EXT2: variants seen among roughly 807,000 people sequenced by gnomAD.
EXT2 encodes the protein exostosin glycosyltransferase 2.
EXT2 carries 53 observed loss-of-function variants against 81.6 expected under a neutral mutation model. The observed-to-expected ratio is 0.65, with a 90% confidence interval of 0.52 to 0.82. EXT2 has a LOEUF of 0.82. Ranked by LOEUF, EXT2 falls within the 40% of genes least tolerant of loss-of-function variation. The probability of loss-of-function intolerance (pLI) is 0.00; values close to 1 mark genes in which losing one functional copy is unlikely to be tolerated. For missense variants in EXT2, 774 were observed against 910.2 expected (o/e 0.85, Z 1.93); for synonymous variants, 320 against 340.0 (o/e 0.94, Z 0.65).
At position 44,130,034 on chromosome 11, in the gene EXT2, G is replaced by C; in HGVS notation, c.1080-11G>C. ...CTGTGTGTATGTAAACTGTTTTGCT[G>C]TTGTCTCCAGAGCATCTGTGGTTGT... On this transcript the variant is annotated splice_polypyrimidine_tract_variant and intron_variant, in intron 6 of 13. Transcript: ENST00000533608. 1 of 1,610,266 alleles carries C rather than the reference G, an allele frequency of 6.2e-7. No homozygotes were observed. The highest frequency in any genetic ancestry group is 1.3e-5 in the African/African-American group (1 of 74,966).
At chr11:44,129,113 C>G (rs976070010) in intron 6 of EXT2, among the ~76,000 whole-genome samples, 1 of 152,242 alleles carries the variant, frequency 6.6e-6, no homozygotes, top group Non-Finnish European at 1.5e-5. Context: ...GCTCTACCCT[C>G]TCATCCCCAT....
intron 3 of EXT2, 26 bp from the exon 4 acceptor site, chr11:44,114,159 C>T (rs1288841417): frequency 1.9e-6 from 3 of 1,589,216 alleles, no homozygotes; most frequent in South Asian, 2.2e-5. Context: ...TCTTTCTCAT[C>T]GTTTAACAAA....
intron 1 of EXT2, chr11:44,096,264 C>T: frequency 1.3e-6 from 2 of 1,536,022 alleles, no homozygotes; most frequent in Non-Finnish European, 1.7e-6. Flanking sequence ...TGTCCTGCGC[C>T]TCAGGGTCCG....
At chr11:44,140,064 A>T (rs1391242531) in intron 7 of EXT2, among the ~76,000 whole-genome samples, 7 of 152,320 alleles carry the variant, frequency 4.6e-5, no homozygotes, top group African/African-American at 1.7e-4. Context: ...GTTAGGCAAA[A>T]GAGGGTTTTC....
chr11:44,170,817 CACACACACACA>C (rs1246283175), intron 7 of EXT2, among the ~76,000 whole-genome samples: 4 of 21,172 alleles, frequency 1.9e-4, no homozygotes, highest in African/African-American at 1.1e-3. Flanking sequence ...CATTCACACA[CACACACACACA>C]CACACACACA....
chr11:44,119,137 T>TAC (rs1954269531), intron 4 of EXT2, among the ~76,000 whole-genome samples: 2 of 30,370 alleles, frequency 6.6e-5, no homozygotes, highest in South Asian at 9.1e-4. Flanking sequence ...TATATATATA[T>TAC]ATATATATAT....
intron 8 of EXT2, among the ~76,000 whole-genome samples, chr11:44,184,357 A>G (rs1366031042): frequency 6.6e-6 from 1 of 152,200 alleles, no homozygotes; most frequent in Non-Finnish European, 1.5e-5. Flanking sequence ...CTAGCTAAAA[A>G]TTACATTTTT....
chr11:44,169,098 T>TA lies in EXT2; in HGVS notation c.1174-2511dup, dbSNP rs1203633316. On this transcript the variant is annotated intron_variant, in intron 7 of 13. Coordinates refer to ENST00000533608, the MANE Select transcript of EXT2 (RefSeq NM_207122.2). ...AGCCAGGCGTGGTGGTGCGTGCCTG[T>TA]AATCCCAGCTACTCAGGAGGCTGAG... 2.0e-5 allele frequency among the ~76,000 whole-genome samples: 3 copies of TA among 152,050 alleles called. No individual in the cohort carries two copies. The East Asian group carries it at 5.8e-4, about 29-fold the overall frequency.
At chr11:44,166,256 C>T (rs1590612957) in intron 7 of EXT2, among the ~76,000 whole-genome samples, 1 of 152,130 alleles carries the variant, frequency 6.6e-6, no homozygotes, top group South Asian at 2.1e-4. Flanking sequence ...TTGGTGATAA[C>T]AGAAAGTGAT....
At chr11:44,115,603 A>T (rs1411696188) in intron 4 of EXT2, among the ~76,000 whole-genome samples, 1 of 152,208 alleles carries the variant, frequency 6.6e-6, no homozygotes, top group Non-Finnish European at 1.5e-5. Context: ...CAATAGATAA[A>T]TTTTGACACT....
intron 10 of EXT2, among the ~76,000 whole-genome samples, chr11:44,211,537 A>C (rs1262238969): frequency 6.6e-6 from 1 of 152,240 alleles, no homozygotes; most frequent in Non-Finnish European, 1.5e-5. Flanking sequence ...AAAGACAAAC[A>C]TTGTATTATC....
chr11:44,168,897 G>C (rs1955031645), intron 7 of EXT2, among the ~76,000 whole-genome samples: 1 of 152,088 alleles, frequency 6.6e-6, no homozygotes, highest in Non-Finnish European at 1.5e-5. Context: ...AGAAAAGAAA[G>C]GGTAAATATA....
At chr11:44,148,191 A>G (rs4515957) in intron 7 of EXT2, among the ~76,000 whole-genome samples, 137,976 of 152,254 alleles carry the variant, frequency 0.91, 62,665 homozygotes, top group East Asian at 0.99. Flanking sequence ...AGAGATCAGG[A>G]GTGAATGTGG....
chr11:44,201,597 AGTT>A lies in EXT2; in HGVS notation c.1495+3582_1495+3584del, dbSNP rs1189980233. Among the ~76,000 whole-genome samples the A allele has an allele frequency of 2.0e-5, 3 of 152,322 alleles. No homozygotes were observed. The East Asian group carries it at 5.8e-4, about 29-fold the overall frequency. On this transcript the variant is annotated intron_variant, in intron 9 of 13. Coordinates refer to ENST00000533608, the MANE Select transcript of EXT2 (RefSeq NM_207122.2). ...TCTGTGTCTATTTAGATTACCATTTAGTTGTAGGAAAATCATCATGTGTTGTCA... is the reference window on the plus strand; with the variant it reads ...TCTGTGTCTATTTAGATTACCATTTAGTAGGAAAATCATCATGTGTTGTCA...
intron 10 of EXT2, among the ~76,000 whole-genome samples, chr11:44,227,924 A>G (rs577632197): frequency 5.0e-4 from 76 of 152,338 alleles, no homozygotes; most frequent in African/African-American, 1.7e-3. Context: ...CTCAAGTCTG[A>G]TGGAAGCCTA....
At chr11:44,223,706 A>G (rs1955807070) in intron 10 of EXT2, among the ~76,000 whole-genome samples, 1 of 143,664 alleles carries the variant, frequency 7.0e-6, no homozygotes, top group Non-Finnish European at 1.5e-5. Context: ...GACAGAGTGT[A>G]GTGGCGTGAT....
At chr11:44,117,494 A>G (rs1195835030) in intron 4 of EXT2, among the ~76,000 whole-genome samples, 1 of 152,160 alleles carries the variant, frequency 6.6e-6, no homozygotes, top group Non-Finnish European at 1.5e-5. Flanking sequence ...TGTATGTGGT[A>G]TAAGGTGGGG....
intron 1 of EXT2, chr11:44,096,063 G>T (rs1295631213): frequency 2.6e-5 from 17 of 664,362 alleles, no homozygotes; most frequent in Non-Finnish European, 4.4e-5. Context: ...TTCCACTCCT[G>T]CTTCTCCTTC....
chr11:44,102,876 TTTTG>T (rs1481503232), intron 1 of EXT2, among the ~76,000 whole-genome samples: 3 of 152,172 alleles, frequency 2.0e-5, no homozygotes, highest in African/African-American at 4.8e-5. Flanking sequence ...GTTTTCTGTT[TTTTG>T]TTTGTTTTGT....
Sources: allele counts gnomAD v4.1 joint callset (sites outside exome capture counted in the v4.1 genomes callset), GRCh38; gene constraint gnomAD v4.1.1; transcripts MANE v1.5; gene names NCBI Gene and HGNC (gene_info 2026-07-23, HGNC 2026-07-21).